The following KLHL29 variants were observed in gnomAD, a reference collection of about 807,000 sequenced individuals.
KLHL29 encodes the protein kelch like family member 29.
In KLHL29, 21 loss-of-function variants were observed where a neutral mutation model predicts 80.4. The ratio of observed to expected loss-of-function variants is 0.26; its 90% CI spans 0.19 to 0.38. KLHL29 has a LOEUF of 0.38. KLHL29 is among the 10% of genes least tolerant of loss of function. KLHL29 has a pLI of 1.00. For synonymous variants in KLHL29, 511 were observed against 526.8 expected (o/e 0.97, Z 0.41); for missense variants, 867 against 1,223.9 (o/e 0.71, Z 4.35).
rs545895101 is a variant in KLHL29, at chr2:23,460,048, T to C, written c.-153-15512T>C. Among the ~76,000 whole-genome samples the C allele has an allele frequency of 2.0e-5, 3 of 152,362 alleles. No homozygotes were observed. In the East Asian group the frequency reaches 5.8e-4, roughly 29 times the overall value. On this transcript the variant is annotated intron_variant, in intron 1 of 13. Transcript: ENST00000486442. ...TTTCAAATGTTGAAATGATGAGAAGTATTTGTTCAACATACCTACTGTGTA... is the reference window on the plus strand; with the variant it reads ...TTTCAAATGTTGAAATGATGAGAAGCATTTGTTCAACATACCTACTGTGTA...
At chr2:23,513,767 G>A (rs10203512) in intron 2 of KLHL29, among the ~76,000 whole-genome samples, 70,925 of 151,886 alleles carry the variant, frequency 0.47, 17,624 homozygotes, top group Non-Finnish European at 0.56. Flanking sequence ...AGGACCCACC[G>A]AGGAGGTGTG....
intron 2 of KLHL29, among the ~76,000 whole-genome samples, chr2:23,476,191 A>G (rs1279797396): frequency 1.3e-5 from 2 of 152,030 alleles, no homozygotes; most frequent in Non-Finnish European, 2.9e-5. Flanking sequence ...TCTCTGTGAC[A>G]GTTCCTTGCT....
intron 1 of KLHL29, among the ~76,000 whole-genome samples, chr2:23,419,492 C>T (rs1016413767): frequency 1.3e-5 from 2 of 152,238 alleles, no homozygotes; most frequent in East Asian, 3.9e-4. Flanking sequence ...TGTGACTTTC[C>T]TCCTTGTCCC....
chr2:23,591,681 G>A (rs1223728765), intron 3 of KLHL29, among the ~76,000 whole-genome samples: 2 of 152,110 alleles, frequency 1.3e-5, no homozygotes, highest in African/African-American at 2.4e-5. Context: ...CTGGACTGCT[G>A]TAAAACCTCC....
chr2:23,684,321 GAAAA>G lies in KLHL29; in HGVS notation c.941-73_941-70del, dbSNP rs906327916. On this transcript the variant is annotated intron_variant, in intron 5 of 13. Transcript: ENST00000486442. This position sits in a 1 kb window ranked among gnomAD's most constrained non-coding sequence, Gnocchi z 4.4. ...CCTATTTCTCTACTTCTTGAAAAAA[GAAAA>G]AAAACTTTTTTTAATTAAAAAAAAA... 2.7e-6 allele frequency: 3 copies of G among 1,130,194 alleles called. No homozygotes were observed. Among genetic ancestry groups the G allele is most frequent in the Admixed American group, 3.8e-5 (1 of 26,424 alleles). 70.0% of individuals were successfully genotyped at this position (1,130,194 alleles called of 1,614,324 possible). A position where few individuals can be genotyped will look rare whatever the true frequency, so the allele number is the denominator to read the frequency against.
Position 23,444,565 on chromosome 2 carries a change from A to G in KLHL29, c.-153-30995A>G, listed in dbSNP as rs189250645. ...GGGCTCAAACTCCTGACCTCAGGTGATTCACCCTCCTCAGCCTCCCAAAGT... is the reference window on the plus strand; with the variant it reads ...GGGCTCAAACTCCTGACCTCAGGTGGTTCACCCTCCTCAGCCTCCCAAAGT... On this transcript the variant is annotated intron_variant, in intron 1 of 13. Transcript: ENST00000486442. Among the ~76,000 whole-genome samples, 292 of 152,172 alleles carry G rather than the reference A, an allele frequency of 1.9e-3. 2 individuals are homozygous for G. Among genetic ancestry groups the G allele is most frequent in the African/African-American group, 6.5e-3 (270 of 41,510 alleles).
chr2:23,567,304 CTTT>C (rs950964358), intron 3 of KLHL29, among the ~76,000 whole-genome samples: 12 of 152,192 alleles, frequency 7.9e-5, no homozygotes, highest in Non-Finnish European at 1.3e-4. Flanking sequence ...GTACTGGGAG[CTTT>C]TTTTCCTAGT....
intron 2 of KLHL29, among the ~76,000 whole-genome samples, chr2:23,550,533 C>T (rs1280014429): frequency 1.3e-5 from 2 of 152,176 alleles, no homozygotes; most frequent in East Asian, 1.9e-4. Flanking sequence ...ATTCCGCAGC[C>T]GTCAACCCAG....
At chr2:23,522,091 G>T (rs975394634) in intron 2 of KLHL29, among the ~76,000 whole-genome samples, 5 of 152,160 alleles carry the variant, frequency 3.3e-5, no homozygotes, top group African/African-American at 1.2e-4. Context: ...CATAGGCTAT[G>T]AACAAGGATG....
chr2:23,546,055 C>G (rs977407034), intron 2 of KLHL29, among the ~76,000 whole-genome samples: 3 of 152,380 alleles, frequency 2.0e-5, no homozygotes, highest in African/African-American at 7.2e-5. Flanking sequence ...CTCCCTCCCT[C>G]TCCCAGGGCC....
chr2:23,485,756 C>A (rs1664918255), intron 2 of KLHL29, among the ~76,000 whole-genome samples: 2 of 152,238 alleles, frequency 1.3e-5, no homozygotes, highest in Admixed American at 6.5e-5. Context: ...CTGCCCCTTT[C>A]CAGCTGTGCA....
At chr2:23,621,253 C>A (rs1054403535) in intron 3 of KLHL29, among the ~76,000 whole-genome samples, 1 of 152,216 alleles carries the variant, frequency 6.6e-6, no homozygotes, top group African/African-American at 2.4e-5. Context: ...CAGAGCCAGA[C>A]CTCCCAGGGG....
chr2:23,418,908 C>T lies in KLHL29; in HGVS notation c.-154+33128C>T, dbSNP rs1192938370. ...CCCTTAGTGCCCATGTTAGGCTTGA[C>T]TTATTGGCACATGAGTTCCACAAGG... On this transcript the variant is annotated intron_variant, in intron 1 of 13. Transcript: ENST00000486442. Among the ~76,000 whole-genome samples the T allele has an allele frequency of 3.3e-5, 5 of 152,304 alleles. No homozygotes were observed. The South Asian group carries it at 6.2e-4, about 19-fold the overall frequency.
intron 3 of KLHL29, among the ~76,000 whole-genome samples, chr2:23,616,331 C>A (rs1405623835): frequency 6.6e-6 from 1 of 152,140 alleles, no homozygotes; most frequent in Admixed American, 6.5e-5. Context: ...TTGTAATGCT[C>A]ATTTTACCTA....
intron 2 of KLHL29, among the ~76,000 whole-genome samples, chr2:23,505,828 T>C (rs1665582282): frequency 1.3e-5 from 2 of 152,214 alleles, no homozygotes; most frequent in African/African-American, 4.8e-5. Flanking sequence ...TGGGTTTACA[T>C]CAGAAGTGTC....
intron 1 of KLHL29, among the ~76,000 whole-genome samples, chr2:23,412,132 G>T (rs891951267): frequency 2.6e-4 from 37 of 144,740 alleles, no homozygotes; most frequent in African/African-American, 5.3e-4. Flanking sequence ...AGGGGGGGGG[G>T]GGGCGGTGCG....
In KLHL29 at chr2:23,679,044, C is replaced by G. The variant is rs1012673352; in HGVS notation, c.941-5355C>G. Among the ~76,000 whole-genome samples the G allele has an allele frequency of 6.6e-5, 7 of 106,042 alleles. No homozygotes were observed. The Admixed American group carries it at 8.6e-4, about 13-fold the overall frequency. 69.6% of individuals were successfully genotyped at this position (106,042 alleles called of 152,430 possible). A position where few individuals can be genotyped will look rare whatever the true frequency, so the allele number is the denominator to read the frequency against. On this transcript the variant is annotated intron_variant, in intron 5 of 13. Coordinates refer to ENST00000486442, the MANE Select transcript of KLHL29 (RefSeq NM_052920.2). Reference sequence around the variant, plus strand: ...GACACTTTAAAATGGGTACATTTTACCACAACTAAAAAAAAAAAAAAAGAA... The same window carrying G: ...GACACTTTAAAATGGGTACATTTTAGCACAACTAAAAAAAAAAAAAAAGAA...
Position 23,562,137 on chromosome 2 carries a change from A to T in KLHL29, c.-45-15A>T. On this transcript the variant is annotated splice_polypyrimidine_tract_variant and intron_variant, in intron 2 of 13. Coordinates refer to ENST00000486442, the MANE Select transcript of KLHL29 (RefSeq NM_052920.2). This position sits in a 1 kb window ranked among gnomAD's most constrained non-coding sequence, Gnocchi z 4.5. ...CCAGTCCTAAATCACCCTTCTCTCC[A>T]CCCTGTCACCACAGGTCCGGGCTCT... 6.5e-7 allele frequency: 1 copy of T among 1,542,302 alleles called. No homozygotes were observed. Among genetic ancestry groups the T allele is most frequent in the Non-Finnish European group, 8.7e-7 (1 of 1,143,540 alleles).
In KLHL29 at chr2:23,591,173, A is replaced by G. The variant is rs72849653; in HGVS notation, c.285+28692A>G. Reference sequence around the variant, plus strand: ...GGGGCAGCCATGTGGGTATCTGGACAAGCATGTTGAGGCCAGGGGTGAAAA... The same window carrying G: ...GGGGCAGCCATGTGGGTATCTGGACGAGCATGTTGAGGCCAGGGGTGAAAA... On this transcript the variant is annotated intron_variant, in intron 3 of 13. Transcript: ENST00000486442. Among the ~76,000 whole-genome samples, 785 of 152,298 alleles carry G rather than the reference A, an allele frequency of 5.2e-3. 4 individuals are homozygous for G. Among genetic ancestry groups the G allele is most frequent in the African/African-American group, 0.018 (746 of 41,564 alleles).
Sources: allele counts gnomAD v4.1 joint callset (sites outside exome capture counted in the v4.1 genomes callset), GRCh38; gene constraint gnomAD v4.1.1; non-coding constraint Gnocchi (gnomAD v3.1); transcripts MANE v1.5; gene names NCBI Gene and HGNC (gene_info 2026-07-23, HGNC 2026-07-21).